Variants in AMPD3 observed in about 807,000 individuals in gnomAD.
AMPD3 encodes the protein adenosine monophosphate deaminase 3, also known as AMP deaminase 3.
AMPD3 carries 57 observed loss-of-function variants against 82.3 expected under a neutral mutation model. That is an observed-to-expected ratio of 0.69 (90% CI 0.56 to 0.86). The LOEUF is 0.86. Among genes scored for constraint, AMPD3 ranks in the 40% least tolerant of loss-of-function variants. AMPD3 has a pLI of 0.00. For synonymous variants in AMPD3, 381 were observed against 394.7 expected (o/e 0.97, Z 0.41); for missense variants, 870 against 1,003.8 (o/e 0.87, Z 1.80).
At chr11:10,502,375 G>T in intron 12 of AMPD3, 1 of 985,504 alleles carries the variant, frequency 1.0e-6, no homozygotes, top group Non-Finnish European at 1.2e-6. Context: ...GCATCTTCTA[G>T]ACTGGGTCCG....
chr11:10,494,460 TA>T, intron 7 of AMPD3: 1 of 725,986 alleles, frequency 1.4e-6, no homozygotes, highest in Non-Finnish European at 1.7e-6. Flanking sequence ...ACTGTATGGT[TA>T]AAAATGGTTG....
At chr11:10,457,872 G>T (rs1848144062) in intron 1 of AMPD3, among the ~76,000 whole-genome samples, 1 of 152,188 alleles carries the variant, frequency 6.6e-6, no homozygotes, top group Admixed American at 6.5e-5. Context: ...TCCAGCCTGG[G>T]CAACTGAGAC....
rs1222040348 is a variant in AMPD3 at position 10,456,878 on chromosome 11, T to TG, written c.-6+1435dup. Among the ~76,000 whole-genome samples, 3 of 151,942 alleles carry TG rather than the reference T, an allele frequency of 2.0e-5. No individual in the cohort carries two copies. The highest frequency in any genetic ancestry group is 4.4e-5 in the Non-Finnish European group (3 of 67,994). On this transcript the variant is annotated intron_variant, in intron 1 of 14. Transcript: ENST00000396553. The surrounding 1 kb of genome is among the most constrained non-coding windows in gnomAD (Gnocchi z 4.3). ...AAGGACATCCAGAAGGCAGCAGATG[T>TG]GGGGGCAGCTGCTAAGGCCTGCAGC...
rs144341878 is a variant in AMPD3, at chr11:10,488,649, G to A, written c.939+1285G>A. Among the ~76,000 whole-genome samples, 25 of 152,262 alleles carry A rather than the reference G, an allele frequency of 1.6e-4. No individual in the cohort carries two copies. In the East Asian group the frequency reaches 3.1e-3, roughly 19 times the overall value. On this transcript the variant is annotated intron_variant, in intron 6 of 14. Transcript: ENST00000396553. ...CCCACAGAAGGCAGGGAGGTGGGCCGGGGTGTGGTGGCGAGCTGGGAGAGA... is the reference window on the plus strand; with the variant it reads ...CCCACAGAAGGCAGGGAGGTGGGCCAGGGTGTGGTGGCGAGCTGGGAGAGA...
intron 10 of AMPD3, chr11:10,497,842 T>C (rs1350157566): frequency 2.5e-5 from 25 of 985,116 alleles, no homozygotes; most frequent in Non-Finnish European, 3.0e-5. Context: ...CGCCACAACG[T>C]GATCTCACCT....
At position 10,487,344 on chromosome 11, in the gene AMPD3, G is replaced by A; in HGVS notation, c.919G>A (p.Asp307Asn). 3 of 1,614,120 alleles carry A rather than the reference G, an allele frequency of 1.9e-6. No homozygotes were observed. Among genetic ancestry groups the A allele is most frequent in the Non-Finnish European group, 2.5e-6 (3 of 1,179,998 alleles). Reference protein sequence around the residue: ...FKELKSNPHRDFYNVRKVDTH... With the variant: ...FKELKSNPHRNFYNVRKVDTH... ...AGAGTTGAAGAGTAACCCCCACCGGGACTTCTATAACGTGAGAAAGGTGCG... is the reference window on the plus strand; with the variant it reads ...AGAGTTGAAGAGTAACCCCCACCGGAACTTCTATAACGTGAGAAAGGTGCG... The change falls in exon 6 of 15, where the codon GAC (aspartate) becomes AAC (asparagine). Residue 307 changes from aspartate to asparagine, a missense_variant. Coordinates refer to ENST00000396553, the MANE Select transcript of AMPD3 (RefSeq NM_001025389.2).
chr11:10,459,716 G>A (rs1246719871), intron 1 of AMPD3, among the ~76,000 whole-genome samples: 1 of 152,084 alleles, frequency 6.6e-6, no homozygotes, highest in Non-Finnish European at 1.5e-5. Context: ...CATTCCACAA[G>A]TGTTATGCTG....
upstream of AMPD3, among the ~76,000 whole-genome samples, chr11:10,451,810 T>A (rs1847971007): frequency 6.6e-6 from 1 of 152,240 alleles, no homozygotes; most frequent in Non-Finnish European, 1.5e-5. Context: ...TTTGGCCATC[T>A]TCATGGAAAA....
rs12290824 is a variant in AMPD3, at chr11:10,476,668, G to A, written c.222-1858G>A. ...TGACACAGAAACCAGAATCTCATGC[G>A]TCCCAGCTGAGGTCAGAATGTGTTG... On this transcript the variant is annotated intron_variant, in intron 2 of 14. Coordinates refer to ENST00000396553, the MANE Select transcript of AMPD3 (RefSeq NM_001025389.2). Among the ~76,000 whole-genome samples the A allele has an allele frequency of 5.2e-3, 797 of 152,294 alleles. 7 individuals carry two copies. Among genetic ancestry groups the A allele is most frequent in the African/African-American group, 0.017 (727 of 41,562 alleles).
chr11:10,481,762 C>G, intron 3 of AMPD3: 1 of 438,266 alleles, frequency 2.3e-6, no homozygotes, highest in Non-Finnish European at 4.2e-6. Flanking sequence ...TGTTGTTTAC[C>G]AGGGAAGCTC....
chr11:10,453,588 CT>C (rs1018923081), upstream of AMPD3, among the ~76,000 whole-genome samples: 36 of 146,604 alleles, frequency 2.5e-4, no homozygotes, highest in Non-Finnish European at 2.6e-4. Context: ...TTTTCTTTTT[CT>C]TTTTTTTTTT....
At chr11:10,460,067 A>C (rs556791043) in intron 1 of AMPD3, among the ~76,000 whole-genome samples, 3 of 120,600 alleles carry the variant, frequency 2.5e-5, no homozygotes, top group Non-Finnish European at 3.6e-5. Flanking sequence ...AATATATATT[A>C]TATATAATAT....
At chr11:10,498,944 G>C (rs189544466) in intron 10 of AMPD3, among the ~76,000 whole-genome samples, 1 of 152,356 alleles carries the variant, frequency 6.6e-6, no homozygotes, top group East Asian at 1.9e-4. Context: ...AGTGACTCAG[G>C]AGCAGCCCCC....
chr11:10,468,190 G>T (rs1464078630), intron 2 of AMPD3, among the ~76,000 whole-genome samples: 1 of 152,172 alleles, frequency 6.6e-6, no homozygotes, highest in Non-Finnish European at 1.5e-5. Flanking sequence ...ATGTAAACGG[G>T]CTAAATGCCC....
intron 6 of AMPD3, chr11:10,490,411 A>G: frequency 2.2e-6 from 2 of 890,608 alleles, no homozygotes; most frequent in Non-Finnish European, 1.3e-6. Flanking sequence ...AGCTTAGTGA[A>G]AAGAGTGCTG....
chr11:10,481,964 A>G, intron 3 of AMPD3, 99 bp from the exon 4 acceptor site: 2 of 1,490,494 alleles, frequency 1.3e-6, no homozygotes, highest in Non-Finnish European at 1.9e-6. Flanking sequence ...CTAGGTTCCC[A>G]GATACCAGGC....
At chr11:10,477,813 T>C (rs1848784246) in intron 2 of AMPD3, 1 of 941,764 alleles carries the variant, frequency 1.1e-6, no homozygotes, top group African/African-American at 1.8e-5. Context: ...GCCAGCCCTT[T>C]CCCATCTCTG....
At chr11:10,501,413 C>A in intron 11 of AMPD3, 57 bp from the exon 12 acceptor site, 1 of 1,602,466 alleles carries the variant, frequency 6.2e-7, no homozygotes. Flanking sequence ...GGCTGCAGGC[C>A]CCAGGCAGAG....
At chr11:10,459,723 G>T (rs1359554042) in intron 1 of AMPD3, among the ~76,000 whole-genome samples, 1 of 152,088 alleles carries the variant, frequency 6.6e-6, no homozygotes, top group Non-Finnish European at 1.5e-5. Context: ...CAAGTGTTAT[G>T]CTGGGGACTG....
Sources: gnomAD v4.1 joint callset for allele counts (sites outside exome capture counted in the v4.1 genomes callset) on GRCh38, gnomAD v4.1.1 for gene constraint, Gnocchi (gnomAD v3.1) non-coding constraint, MANE v1.5 for transcripts, NCBI Gene and HGNC (gene_info 2026-07-23, HGNC 2026-07-21) for gene names.